The following CLIC5 variants were observed in gnomAD, a reference collection of about 807,000 sequenced individuals.
CLIC5 encodes the protein chloride intracellular channel protein 5.
In CLIC5, 20 loss-of-function variants were observed where a neutral mutation model predicts 24.7. The ratio of observed to expected loss-of-function variants is 0.81; its 90% CI spans 0.57 to 1.18. The LOEUF is 1.18. CLIC5 is among the 50% of genes most tolerant of loss of function. The probability of loss-of-function intolerance (pLI) is 0.00; values close to 1 mark genes in which losing one functional copy is unlikely to be tolerated. For synonymous variants in CLIC5, 159 were observed against 135.6 expected (o/e 1.17, Z -1.20); for missense variants, 341 against 326.1 (o/e 1.05, Z -0.35).
chr6:46,023,363 G>A (rs1581874185), intron 1 of CLIC5, among the ~76,000 whole-genome samples: 1 of 152,148 alleles, frequency 6.6e-6, no homozygotes, highest in Non-Finnish European at 1.5e-5. Flanking sequence ...AACTTAAAAA[G>A]GGTAAGTAAC....
intron 1 of CLIC5, among the ~76,000 whole-genome samples, chr6:46,035,523 G>A (rs1190594773): frequency 6.6e-6 from 1 of 152,098 alleles, no homozygotes; most frequent in Non-Finnish European, 1.5e-5. Flanking sequence ...TTTGCCTCTG[G>A]ATATTGAATC....
chr6:46,015,500 C>G lies in CLIC5; in HGVS notation c.43G>C (p.Glu15Gln). 1 of 1,565,170 alleles carries G rather than the reference C, an allele frequency of 6.4e-7. No homozygotes were observed. The highest frequency in any genetic ancestry group is 8.6e-7 in the Non-Finnish European group (1 of 1,156,646). The change falls in exon 1 of 6, where the codon GAG becomes CAG. Residue 15 changes from glutamate (E) to glutamine (Q), a missense_variant. Glu to Gln is a conservative substitution (Grantham distance 29). Coordinates refer to ENST00000339561, the MANE Select transcript of CLIC5 (RefSeq NM_016929.5). ...ATANGDDRDPEIELFVKAGID... is the reference protein window; with the variant it reads ...ATANGDDRDPQIELFVKAGID... ...CCTACCTTCACAAAGAGCTCGATCT[C>G]GGGGTCCCTGTCGTCCCCGTTAGCT...
At chr6:45,881,428 T>C (rs558177451) in intron 6 of CLIC5, among the ~76,000 whole-genome samples, 8 of 152,076 alleles carry the variant, frequency 5.3e-5, no homozygotes, top group African/African-American at 1.2e-4. Flanking sequence ...TTGCAGTGCA[T>C]CTCAGCTGAA....
intron 1 of CLIC5, among the ~76,000 whole-genome samples, chr6:46,032,538 G>C (rs75467470): frequency 3.5e-4 from 54 of 152,148 alleles, no homozygotes; most frequent in Non-Finnish European, 6.6e-4. Flanking sequence ...AAAGGCCAAG[G>C]CATGCCAGCA....
At chr6:46,045,260 C>G (rs1277440107) in intron 1 of CLIC5, among the ~76,000 whole-genome samples, 3 of 152,148 alleles carry the variant, frequency 2.0e-5, no homozygotes, top group African/African-American at 4.8e-5. Context: ...CATACCGCAT[C>G]TTGCATTTTC....
At chr6:45,978,504 T>C (rs1421118619) in intron 1 of CLIC5, among the ~76,000 whole-genome samples, 2 of 152,246 alleles carry the variant, frequency 1.3e-5, no homozygotes, top group Non-Finnish European at 2.9e-5. Flanking sequence ...GGTTCTCCAA[T>C]GTTAGCATGC....
At chr6:45,920,290 G>C in intron 4 of CLIC5, 2 of 984,620 alleles carry the variant, frequency 2.0e-6, no homozygotes, top group Non-Finnish European at 2.4e-6. Flanking sequence ...CCTGTACTAG[G>C]GGCCAGTGCT....
intron 1 of CLIC5, among the ~76,000 whole-genome samples, chr6:45,997,483 A>G (rs1450373240): frequency 6.7e-6 from 1 of 149,734 alleles, no homozygotes; most frequent in Non-Finnish European, 1.5e-5. Context: ...GTGCACATGT[A>G]CCCTAAAACT....
intron 4 of CLIC5, 95 bp downstream of exon 4, chr6:45,941,452 G>T: frequency 1.1e-6 from 1 of 949,546 alleles, no homozygotes; most frequent in Non-Finnish European, 1.7e-6. Flanking sequence ...TGCTTCTCTG[G>T]CCCAAGTATT....
chr6:45,992,684 C>T (rs571059630), intron 1 of CLIC5, among the ~76,000 whole-genome samples: 1 of 152,294 alleles, frequency 6.6e-6, no homozygotes, highest in East Asian at 1.9e-4. Flanking sequence ...TGTTTCTCCA[C>T]CCTATTTTCA....
At chr6:46,069,271 A>G (rs966812438) in intron 1 of CLIC5, among the ~76,000 whole-genome samples, 2 of 152,156 alleles carry the variant, frequency 1.3e-5, no homozygotes, top group Admixed American at 6.6e-5. Flanking sequence ...ATAGGGAGCT[A>G]CTGCATAACT....
chr6:46,106,681 C>A, the CLIC5 span, among the ~76,000 whole-genome samples: 1 of 152,118 alleles, frequency 6.6e-6, no homozygotes, highest in African/African-American at 2.4e-5. Context: ...CTGCATGTTT[C>A]CTTATGAAAT....
chr6:46,023,916 C>G (rs1767255240), intron 1 of CLIC5, among the ~76,000 whole-genome samples: 2 of 151,558 alleles, frequency 1.3e-5, no homozygotes, highest in South Asian at 4.2e-4. Context: ...CCACCCACAA[C>G]TGTCACCTAG....
chr6:45,943,023 C>A (rs1764184193), intron 3 of CLIC5, among the ~76,000 whole-genome samples: 1 of 152,238 alleles, frequency 6.6e-6, no homozygotes, highest in Admixed American at 6.5e-5. Flanking sequence ...TTGCATTGAG[C>A]ACCTACTGTG....
At chr6:46,060,159 A>C (rs1762210037) in intron 1 of CLIC5, among the ~76,000 whole-genome samples, 1 of 152,220 alleles carries the variant, frequency 6.6e-6, no homozygotes, top group East Asian at 1.9e-4. Flanking sequence ...AGGCATAGTC[A>C]GTCTCTTTGA....
At chr6:45,988,397 GT>G (rs1415572418) in intron 1 of CLIC5, among the ~76,000 whole-genome samples, 29 of 152,254 alleles carry the variant, frequency 1.9e-4, no homozygotes, top group Admixed American at 1.4e-3. Flanking sequence ...TCTCAGCCAC[GT>G]TAGGGAGGGC....
rs1218582816 is a variant in CLIC5 at position 46,079,558 on chromosome 6, T to C, written c.540+145A>G. 5.9e-6 allele frequency: 4 copies of C among 677,404 alleles called. No individual in the cohort carries two copies. The South Asian group carries it at 6.1e-5, about 10-fold the overall frequency. The allele number at this position is 677,404 out of a possible 1,614,324, so 42.0% of individuals were successfully genotyped here. ...GAAGAGCTGAGTACACTCTAATGAC[T>C]GATTTAGTCCCTCCGACTCCTGAAT... On this transcript the variant is annotated intron_variant, in intron 1 of 5. Transcript: ENST00000185206.
downstream of CLIC5, among the ~76,000 whole-genome samples, chr6:45,896,160 C>A (rs766879099): frequency 4.6e-4 from 70 of 152,044 alleles, no homozygotes; most frequent in Admixed American, 2.6e-3. Context: ...TAATGTAAAT[C>A]GACTCCAAGT....
intron 1 of CLIC5, among the ~76,000 whole-genome samples, chr6:45,960,950 T>C (rs1764824796): frequency 6.6e-6 from 1 of 152,212 alleles, no homozygotes. Context: ...ATAGAGAGTT[T>C]CCTTATATGT....
Sources: allele counts gnomAD v4.1 joint callset (sites outside exome capture counted in the v4.1 genomes callset), GRCh38; gene constraint gnomAD v4.1.1; transcripts MANE v1.5; gene names NCBI Gene and HGNC (gene_info 2026-07-23, HGNC 2026-07-21).